The following CCDC170 variants were observed in gnomAD, a reference collection of about 807,000 sequenced individuals.
The protein encoded by CCDC170 is coiled-coil domain-containing protein 170.
Under a neutral mutation model 72.6 loss-of-function variants are expected in CCDC170, and 69 were observed. The observed-to-expected ratio is 0.95, with a 90% CI of 0.78 to 1.16. The LOEUF (loss-of-function observed/expected upper bound fraction) is 1.16. CCDC170 is among the 50% of genes most tolerant of loss of function. CCDC170 has a pLI of 0.00. For synonymous variants in CCDC170, 300 were observed against 303.9 expected (o/e 0.99, Z 0.13); for missense variants, 852 against 832.5 (o/e 1.02, Z -0.29).
At chr6:151,555,526 A>G (rs35025342) in intron 5 of CCDC170, among the ~76,000 whole-genome samples, 23,809 of 152,194 alleles carry the variant, frequency 0.16, 2,292 homozygotes, top group East Asian at 0.46. Context: ...TATGTGAAAT[A>G]AGAATCATGT....
At chr6:151,516,145 A>G (rs891072746) in intron 1 of CCDC170, among the ~76,000 whole-genome samples, 4 of 152,014 alleles carry the variant, frequency 2.6e-5, no homozygotes, top group African/African-American at 7.2e-5. Flanking sequence ...TCTGTCATAT[A>G]ATGCTATACT....
intron 1 of CCDC170, among the ~76,000 whole-genome samples, chr6:151,532,394 G>A (rs1782502977): frequency 6.6e-6 from 1 of 152,100 alleles, no homozygotes; most frequent in African/African-American, 2.4e-5. Flanking sequence ...ATCACTTGAG[G>A]TCAGGAGTTC....
At chr6:151,603,294 C>A (rs909433864) in intron 9 of CCDC170, among the ~76,000 whole-genome samples, 1 of 152,012 alleles carries the variant, frequency 6.6e-6, no homozygotes, top group Non-Finnish European at 1.5e-5. Context: ...AGTTTGTTTT[C>A]CCTAAGGGTA....
chr6:151,545,091 G>C (rs1782750960), intron 4 of CCDC170, among the ~76,000 whole-genome samples: 3 of 152,112 alleles, frequency 2.0e-5, no homozygotes, highest in Admixed American at 6.6e-5. Flanking sequence ...TACTGATTGA[G>C]TGTGAGATCT....
At chr6:151,565,872 T>A (rs974591795) in intron 5 of CCDC170, among the ~76,000 whole-genome samples, 10 of 152,382 alleles carry the variant, frequency 6.6e-5, no homozygotes, top group African/African-American at 2.4e-4. Flanking sequence ...ATAACATGAT[T>A]ATATAAATAT....
In CCDC170 at chr6:151,506,618, C is replaced by A. The variant is rs537283393; in HGVS notation, c.57+12433C>A. On this transcript the variant is annotated intron_variant, in intron 1 of 10. Transcript: ENST00000239374. ...GATATTTGCATGAAGATTTTTGTAA[C>A]CTTGTGTAATGGTCTGGTATTAACC... Among the ~76,000 whole-genome samples, 102 of 152,264 alleles carry A rather than the reference C, an allele frequency of 6.7e-4. 1 individual carries two copies. Among genetic ancestry groups the A allele is most frequent in the South Asian group, 6.0e-3 (29 of 4,826 alleles).
rs578027627 is a variant in CCDC170, at chr6:151,532,833, A to G, written c.58-3485A>G. ...TAAGAATAGCCAGGGTTATTCAGAAAAATAAGTCCTACCAGATACAAAATA... is the reference window on the plus strand; with the variant it reads ...TAAGAATAGCCAGGGTTATTCAGAAGAATAAGTCCTACCAGATACAAAATA... On this transcript the variant is annotated intron_variant, in intron 1 of 10. Coordinates refer to ENST00000239374, the MANE Select transcript of CCDC170 (RefSeq NM_025059.4). Among the ~76,000 whole-genome samples the G allele has an allele frequency of 8.8e-4, 134 of 152,330 alleles. 1 individual carries two copies. The South Asian group carries it at 9.1e-3, about 10-fold the overall frequency.
intron 1 of CCDC170, among the ~76,000 whole-genome samples, chr6:151,511,369 C>G (rs1272170885): frequency 6.6e-6 from 1 of 152,152 alleles, no homozygotes; most frequent in Non-Finnish European, 1.5e-5. Context: ...CGTGCTAACC[C>G]TGTAAAGTGA....
rs141252918 is a variant in CCDC170, at chr6:151,506,923, G to A, written c.57+12738G>A. Among the ~76,000 whole-genome samples, 935 of 152,274 alleles carry A rather than the reference G, an allele frequency of 6.1e-3. 5 individuals are homozygous for A. The highest frequency in any genetic ancestry group is 0.011 in the Non-Finnish European group (724 of 68,014). ...CAATATCAGTTCTTCCCTGGGTCTCGGGGCTGCTGGCCTGTCCTGCAGATT... is the reference window on the plus strand; with the variant it reads ...CAATATCAGTTCTTCCCTGGGTCTCAGGGCTGCTGGCCTGTCCTGCAGATT... On this transcript the variant is annotated intron_variant, in intron 1 of 10. Transcript: ENST00000239374.
chr6:151,548,684 AT>A, intron 5 of CCDC170, among the ~76,000 whole-genome samples, 195 bp downstream of exon 5: 2 of 151,652 alleles, frequency 1.3e-5, no homozygotes, highest in Non-Finnish European at 2.9e-5. Flanking sequence ...CATTGGCTAT[AT>A]ATGTACATTT....
chr6:151,575,388 G>A (rs12199746), intron 6 of CCDC170, among the ~76,000 whole-genome samples: 64,842 of 145,030 alleles, frequency 0.45, 17,199 homozygotes, highest in Non-Finnish European at 0.6. Context: ...AGCCGAGATC[G>A]TGCCACTGCA....
chr6:151,549,061 G>C (rs923886302), intron 5 of CCDC170, among the ~76,000 whole-genome samples: 1 of 152,114 alleles, frequency 6.6e-6, no homozygotes, highest in South Asian at 2.1e-4. Flanking sequence ...CACCACACCC[G>C]GCTAATTTTG....
chr6:151,544,739 G>T lies in CCDC170; in HGVS notation c.588+23G>T, dbSNP rs2115054832. ...AAGGTGTCTGTATGCAGATTAAAAAGTCTATAAATGTAGTGGTGATTCTGA... is the reference window on the plus strand; with the variant it reads ...AAGGTGTCTGTATGCAGATTAAAAATTCTATAAATGTAGTGGTGATTCTGA... On this transcript the variant is annotated intron_variant, in intron 4 of 10. Coordinates refer to ENST00000239374, the MANE Select transcript of CCDC170 (RefSeq NM_025059.4). The T allele has an allele frequency of 1.9e-6, 3 of 1,588,070 alleles. No individual in the cohort carries two copies. In the South Asian group the frequency reaches 3.4e-5, roughly 18 times the overall value.
chr6:151,578,140 G>C (rs562759572), intron 6 of CCDC170, among the ~76,000 whole-genome samples: 1 of 152,164 alleles, frequency 6.6e-6, no homozygotes. Flanking sequence ...TATGTTGTGC[G>C]GTTGCTCCGG....
intron 5 of CCDC170, among the ~76,000 whole-genome samples, chr6:151,568,105 G>A (rs530624370): frequency 0.03 from 1,156 of 38,210 alleles, 26 homozygotes; most frequent in African/African-American, 0.088. Context: ...GTGAGACTCT[G>A]AAAAAAAAAA....
intron 6 of CCDC170, among the ~76,000 whole-genome samples, chr6:151,573,837 C>T (rs576960968): frequency 6.6e-6 from 1 of 152,364 alleles, no homozygotes; most frequent in East Asian, 1.9e-4. Context: ...ATTCAATTAC[C>T]TCCCACCAGG....
At chr6:151,503,635 T>C (rs1421006289) in intron 1 of CCDC170, among the ~76,000 whole-genome samples, 1 of 151,916 alleles carries the variant, frequency 6.6e-6, no homozygotes, top group East Asian at 1.9e-4. Flanking sequence ...GTATTTTTAG[T>C]AGAGATGGGG....
At chr6:151,516,921 T>G (rs1487632212) in intron 1 of CCDC170, among the ~76,000 whole-genome samples, 2 of 152,242 alleles carry the variant, frequency 1.3e-5, no homozygotes, top group African/African-American at 2.4e-5. Flanking sequence ...AAGATGAACA[T>G]GCCTAGTCCC....
At chr6:151,577,935 C>T (rs1776327459) in intron 6 of CCDC170, among the ~76,000 whole-genome samples, 2 of 152,164 alleles carry the variant, frequency 1.3e-5, no homozygotes, top group Non-Finnish European at 2.9e-5. Context: ...CGAAACCAGT[C>T]TCTGGTGACA....
Sources: allele counts gnomAD v4.1 joint callset (sites outside exome capture counted in the v4.1 genomes callset), GRCh38; gene constraint gnomAD v4.1.1; transcripts MANE v1.5; gene names NCBI Gene and HGNC (gene_info 2026-07-23, HGNC 2026-07-21).